The following PKD1L1 variants were observed in gnomAD, a reference collection of about 807,000 sequenced individuals.
PKD1L1 encodes polycystin 1 like 1, transient receptor potential channel interacting, also known as polycystin-1-like protein 1.
A neutral mutation model predicts 323.4 loss-of-function variants in PKD1L1; 236 were observed. That is an observed-to-expected ratio of 0.73 (90% confidence interval 0.66 to 0.81). The LOEUF is 0.81. Among genes scored for constraint, PKD1L1 ranks in the 40% least tolerant of loss-of-function variants. The probability of loss-of-function intolerance (pLI) is 0.00; values close to 1 mark genes in which losing one functional copy is unlikely to be tolerated. For missense variants in PKD1L1, 3,320 were observed against 3,508.0 expected (o/e 0.95, Z 1.35); for synonymous variants, 1,344 against 1,335.0 (o/e 1.01, Z -0.15).
Position 47,839,258 on chromosome 7 carries a change from T to C in PKD1L1, c.5769+188A>G, listed in dbSNP as rs1333393372. 6.6e-6 allele frequency among the ~76,000 whole-genome samples: 1 copy of C among 152,246 alleles called. No individual in the cohort carries two copies. Among genetic ancestry groups the C allele is most frequent in the Non-Finnish European group, 1.5e-5 (1 of 68,040 alleles). On this transcript the variant is annotated intron_variant, in intron 36 of 56. Transcript: ENST00000289672. This position sits in a 1 kb window ranked among gnomAD's most constrained non-coding sequence, Gnocchi z 4.3. ...ATTAATAATTGTGAAGGGTAATTAA[T>C]CCATGCTTGGATGGCCACTCAATGA...
At chr7:47,858,917 C>A in intron 26 of PKD1L1, 32 bp from the exon 27 acceptor site, 1 of 1,599,080 alleles carries the variant, frequency 6.3e-7, no homozygotes, top group South Asian at 1.1e-5. Context: ...AAATAAAATG[C>A]CTGGCCTTGA....
chr7:47,894,009 C>G lies in PKD1L1; in HGVS notation c.2322G>C (p.Glu774Asp). ...VVYSNYCVGL[E>D]VRAQAPVSVI... ...CACTGACAGGGGCCTGGGCTCGCAC[C>G]TCCAGGCCCACACAGTAGTTGCTGT... Residue 774 changes from glutamate to aspartate, a missense_variant, in exon 15 of 57, where the codon GAG becomes GAC. Physicochemically the swap from Glu to Asp is conservative, Grantham distance 45. Transcript: ENST00000289672. 1.2e-6 allele frequency: 2 copies of G among 1,609,958 alleles called. No individual in the cohort carries two copies. Among genetic ancestry groups the G allele is most frequent in the Non-Finnish European group, 1.7e-6 (2 of 1,178,004 alleles).
In PKD1L1 at chr7:47,893,906, C is replaced by G. The variant is rs760687444; in HGVS notation, c.2425G>C (p.Asp809His). The G allele has an allele frequency of 1.2e-6, 2 of 1,613,792 alleles. No individual in the cohort carries two copies. The highest frequency in any genetic ancestry group is 1.3e-5 in the African/African-American group (1 of 75,012). ...PIVLRGTQSFDPDDPGATLRY... is the reference protein window; with the variant it reads ...PIVLRGTQSFHPDDPGATLRY... ...AGAGTCGCCCCAGGGTCGTCAGGGT[C>G]GAAGGACTGGGTCCCTCTGAGGACA... Residue 809 changes from aspartate to histidine, a missense_variant, in exon 15 of 57, where the codon GAC (aspartate) becomes CAC (histidine). Asp to His is a moderately conservative substitution (Grantham distance 81, BLOSUM62 -1). Coordinates refer to ENST00000289672, the MANE Select transcript of PKD1L1 (RefSeq NM_138295.5).
intron 13 of PKD1L1, among the ~76,000 whole-genome samples, chr7:47,899,772 C>A (rs183624950): frequency 1.3e-5 from 2 of 151,982 alleles, no homozygotes; most frequent in Admixed American, 6.6e-5. Flanking sequence ...CTGGCTAACA[C>A]GGTGAAACCC....
chr7:47,939,175 C>T (rs1787933616), intron 3 of PKD1L1, among the ~76,000 whole-genome samples: 2 of 152,210 alleles, frequency 1.3e-5, no homozygotes, highest in Non-Finnish European at 1.5e-5. Flanking sequence ...CCTCCTTGAA[C>T]TTTCGCTGAC....
At chr7:47,945,248 C>T (rs1003302994) in intron 1 of PKD1L1, among the ~76,000 whole-genome samples, 1 of 152,188 alleles carries the variant, frequency 6.6e-6, no homozygotes, top group Non-Finnish European at 1.5e-5. Context: ...GCATTCAGCT[C>T]TTTAGAATTC....
chr7:47,778,971 T>C (rs192803095), intron 56 of PKD1L1, among the ~76,000 whole-genome samples: 18 of 152,372 alleles, frequency 1.2e-4, no homozygotes, highest in African/African-American at 4.3e-4. Context: ...AACAGGTTGT[T>C]ATATTAGTAA....
intron 52 of PKD1L1, among the ~76,000 whole-genome samples, 198 bp from the exon 53 acceptor site, chr7:47,803,542 C>T (rs191498363): frequency 5.1e-4 from 78 of 152,222 alleles, no homozygotes; most frequent in Middle Eastern, 3.4e-3. Flanking sequence ...CAAATCGTAA[C>T]GCATTTTGAG....
In PKD1L1 at chr7:47,854,899, G is replaced by T. The variant is rs149586291; in HGVS notation, c.4842C>A (p.Pro1614=). The change falls in exon 30 of 57, where the codon CCC becomes CCA. Residue 1614 remains proline (P), a synonymous_variant. Transcript: ENST00000289672. ...CAACACACCTTACTAGCAACATGAC[G>T]GGAAATGCCCTTGTAACAGGTTTGG... ...EFSKPVTRAF[P]VMLLVRFSEK... is the part of the protein sequence containing the mutation. 2 of 1,614,022 alleles carry T rather than the reference G, an allele frequency of 1.2e-6. No individual in the cohort carries two copies. Among genetic ancestry groups the T allele is most frequent in the South Asian group, 2.2e-5 (2 of 91,020 alleles).
At chr7:47,787,403 T>C (rs1786832933) in intron 56 of PKD1L1, among the ~76,000 whole-genome samples, 1 of 152,174 alleles carries the variant, frequency 6.6e-6, no homozygotes, top group Admixed American at 6.5e-5. Flanking sequence ...TATGATTGCA[T>C]TGTTGCTGAA....
chr7:47,960,411 AAAAG>A, the PKD1L1 span, among the ~76,000 whole-genome samples: 1 of 148,518 alleles, frequency 6.7e-6, no homozygotes, highest in Non-Finnish European at 1.5e-5. Context: ...AAAAGAAAAA[AAAAG>A]AGCTCCATAT....
intron 50 of PKD1L1, chr7:47,809,889 G>T: frequency 4.1e-6 from 1 of 241,690 alleles, no homozygotes; most frequent in East Asian, 8.7e-5. Flanking sequence ...CCTCCATGCT[G>T]ATCCTCCAGT....
In PKD1L1 at chr7:47,835,226, G is replaced by A. The variant is rs138891863; in HGVS notation, c.5961C>T (p.Ser1987=). The part of the protein sequence containing the change: ...GGQEQPHLDV[S]PTLGSFRVGL... ...CCACCCTGAAGGATCCAAGGGTGGG[G>A]CTGACGTCCAAGTGGGGCTGCAACA... Residue 1987 remains serine, a synonymous_variant, in exon 38 of 57, where the codon AGC becomes AGT. Coordinates refer to ENST00000289672, the MANE Select transcript of PKD1L1 (RefSeq NM_138295.5). The A allele has an allele frequency of 4.3e-5, 68 of 1,588,676 alleles. No homozygotes were observed. The highest frequency in any genetic ancestry group is 5.2e-5 in the Non-Finnish European group (61 of 1,173,484).
intron 54 of PKD1L1, among the ~76,000 whole-genome samples, chr7:47,796,422 A>G (rs989311685): frequency 6.6e-6 from 1 of 152,190 alleles, no homozygotes; most frequent in Admixed American, 6.5e-5. Context: ...TGAGATTATC[A>G]ACGCGATGTG....
At chr7:47,789,850 T>A (rs1397850400) in intron 56 of PKD1L1, among the ~76,000 whole-genome samples, 1 of 152,198 alleles carries the variant, frequency 6.6e-6, no homozygotes, top group Non-Finnish European at 1.5e-5. Context: ...GTAAATACTA[T>A]CCATTTTTTC....
In PKD1L1 at chr7:47,946,974, C is replaced by T. The variant is rs1788110058; in HGVS notation, c.44+1423G>A. ...CTAAGGGCAAAGGGGTAATTCCTTG[C>T]AATTCCCTGACTGATAAGAGTGAAG... On this transcript the variant is annotated intron_variant, in intron 1 of 56. Transcript: ENST00000289672. This position sits in a 1 kb window ranked among gnomAD's most constrained non-coding sequence, Gnocchi z 4.1. 6.6e-6 allele frequency among the ~76,000 whole-genome samples: 1 copy of T among 152,154 alleles called. No homozygotes were observed. Among genetic ancestry groups the T allele is most frequent in the African/African-American group, 2.4e-5 (1 of 41,416 alleles).
At chr7:47,866,647 C>G in intron 24 of PKD1L1, 33 bp from the exon 25 acceptor site, 2 of 1,540,676 alleles carry the variant, frequency 1.3e-6, no homozygotes, top group Non-Finnish European at 1.8e-6. Flanking sequence ...CATTACTGTT[C>G]CAACACACGG....
chr7:47,866,072 A>G (rs1786162945), intron 25 of PKD1L1, among the ~76,000 whole-genome samples: 1 of 152,254 alleles, frequency 6.6e-6, no homozygotes, highest in African/African-American at 2.4e-5. Flanking sequence ...ATTTGAATAC[A>G]TGGTAATTTC....
chr7:47,895,562 T>G (rs2128749545), intron 14 of PKD1L1, among the ~76,000 whole-genome samples: 1 of 152,276 alleles, frequency 6.6e-6, no homozygotes, highest in East Asian at 1.9e-4. Context: ...TCACAGGATA[T>G]AGGAGTTATG....
Sources: allele counts gnomAD v4.1 joint callset (sites outside exome capture counted in the v4.1 genomes callset), GRCh38; gene constraint gnomAD v4.1.1; non-coding constraint Gnocchi (gnomAD v3.1); transcripts MANE v1.5; gene names NCBI Gene and HGNC (gene_info 2026-07-23, HGNC 2026-07-21).